RFPL1: variants seen among roughly 807,000 people sequenced by gnomAD.
The protein encoded by RFPL1 is ret finger protein like 1.
A neutral mutation model predicts 9.6 loss-of-function variants in RFPL1; 6 were observed. The observed-to-expected ratio is 0.62, with a 90% CI of 0.34 to 1.23. The LOEUF is 1.23. RFPL1 is among the 50% of genes most tolerant of loss of function. The pLI is 0.03. For missense variants in RFPL1, 352 were observed against 398.4 expected (o/e 0.88, Z 0.99); for synonymous variants, 145 against 149.4 (o/e 0.97, Z 0.22).
the RFPL1 span, among the ~76,000 whole-genome samples, chr22:29,397,976 G>A: frequency 6.6e-6 from 1 of 152,174 alleles, no homozygotes; most frequent in Non-Finnish European, 1.5e-5. Context: ...GGGGGGGTTG[G>A]CATCTGGCTT....
chr22:29,405,630 C>T, the RFPL1 span, among the ~76,000 whole-genome samples: 3 of 152,172 alleles, frequency 2.0e-5, no homozygotes, highest in African/African-American at 7.2e-5. Context: ...ATCTAGAGGA[C>T]TCAGATGTTC....
chr22:29,410,437 T>G, the RFPL1 span, among the ~76,000 whole-genome samples: 1 of 96,864 alleles, frequency 1.0e-5, no homozygotes, highest in Non-Finnish European at 2.0e-5. Flanking sequence ...ATTGTAGATA[T>G]ATATATCTAT....
the RFPL1 span, among the ~76,000 whole-genome samples, chr22:29,414,830 T>A: frequency 9.2e-5 from 14 of 151,870 alleles, no homozygotes; most frequent in East Asian, 3.9e-4. Context: ...TTTTTTTTTT[T>A]AATTAGGATA....
At chr22:29,437,946 G>A (rs1432341705), upstream of RFPL1, 2 of 437,158 alleles carry the variant, frequency 4.6e-6, no homozygotes, top group African/African-American at 4.5e-5. Flanking sequence ...GGCTGGAGAA[G>A]GATGTGATTT....
chr22:29,441,708 C>G, exon 2 of RFPL1: 1 of 1,613,946 alleles, frequency 6.2e-7, no homozygotes, highest in Admixed American at 1.7e-5. Context: ...GTGGCCGCCA[C>G]TACTGGGAGG....
At chr22:29,394,108 C>T in the RFPL1 span, among the ~76,000 whole-genome samples, 4 of 152,304 alleles carry the variant, frequency 2.6e-5, no homozygotes, top group South Asian at 8.3e-4. Flanking sequence ...TGTGCCCAGC[C>T]AGGACATTTT....
the RFPL1 span, among the ~76,000 whole-genome samples, chr22:29,429,949 T>A: frequency 6.6e-6 from 1 of 151,916 alleles, no homozygotes; most frequent in African/African-American, 2.4e-5. Context: ...TTGGTGAATC[T>A]CTCCGGTCTC....
At chr22:29,427,947 A>G in the RFPL1 span, among the ~76,000 whole-genome samples, 1 of 152,138 alleles carries the variant, frequency 6.6e-6, no homozygotes, top group Non-Finnish European at 1.5e-5. Flanking sequence ...CACCCTTTCT[A>G]TATGGTATAT....
chr22:29,410,580 T>TATATATTGTAG, the RFPL1 span, among the ~76,000 whole-genome samples: 3 of 133,834 alleles, frequency 2.2e-5, no homozygotes, highest in African/African-American at 8.2e-5. Flanking sequence ...ATTGTAGATA[T>TATATATTGTAG]ATCTATCTAT....
chr22:29,421,584 A>T, the RFPL1 span, among the ~76,000 whole-genome samples: 1 of 149,786 alleles, frequency 6.7e-6, no homozygotes, highest in Admixed American at 6.7e-5. Context: ...CTAGACTCGA[A>T]CTCCTGGGCT....
At chr22:29,424,141 C>T in the RFPL1 span, among the ~76,000 whole-genome samples, 1 of 151,992 alleles carries the variant, frequency 6.6e-6, no homozygotes, top group East Asian at 1.9e-4. Context: ...GATAGCACCA[C>T]TGCACTTCAG....
chr22:29,425,380 A>C, the RFPL1 span, among the ~76,000 whole-genome samples: 1 of 152,132 alleles, frequency 6.6e-6, no homozygotes, highest in East Asian at 1.9e-4. Flanking sequence ...AGAGAGAAGC[A>C]CTCAGTTCCA....
chr22:29,409,078 A>T, the RFPL1 span, among the ~76,000 whole-genome samples: 2 of 151,224 alleles, frequency 1.3e-5, no homozygotes, highest in Admixed American at 6.6e-5. Flanking sequence ...TTTTTTTTTT[A>T]AACAGCTTTA....
At chr22:29,387,948 A>T in the RFPL1 span, among the ~76,000 whole-genome samples, 1 of 152,332 alleles carries the variant, frequency 6.6e-6, no homozygotes, top group East Asian at 1.9e-4. Context: ...AACTTGTCTT[A>T]GAGGCTCCAA....
rs79401928 is a variant in RFPL1, at chr22:29,441,580, C to G, written c.412C>G (p.Leu138Val). 30 of 599,560 alleles carry G rather than the reference C, an allele frequency of 5.0e-5. No individual in the cohort carries two copies. In the African/African-American group the frequency reaches 5.0e-4, roughly 10 times the overall value. 37.1% of individuals were successfully genotyped at this position (599,560 alleles called of 1,614,324 possible). A position where few individuals can be genotyped will look rare whatever the true frequency, so the allele number is the denominator to read the frequency against. The change falls in exon 2 of 2, where the codon CTC becomes GTC. Residue 138 changes from leucine to valine, a missense_variant. By Grantham distance (32) the Leu-to-Val change is conservative. Coordinates refer to ENST00000354373, the Ensembl canonical transcript of RFPL1. ...GGATGCCGACACAGCCAACAACTTCCTCCTCATTTCTGACGACCTCAGGAG... is the reference window on the plus strand; with the variant it reads ...GGATGCCGACACAGCCAACAACTTCGTCCTCATTTCTGACGACCTCAGGAG...
chr22:29,409,913 T>G, the RFPL1 span, among the ~76,000 whole-genome samples: 1 of 152,184 alleles, frequency 6.6e-6, no homozygotes, highest in Non-Finnish European at 1.5e-5. Context: ...TTACAAATTA[T>G]CTGGTAGTGA....
At chr22:29,403,253 C>T in the RFPL1 span, among the ~76,000 whole-genome samples, 2 of 137,004 alleles carry the variant, frequency 1.5e-5, no homozygotes, top group Non-Finnish European at 3.0e-5. Flanking sequence ...AGAGGAATTT[C>T]TTCTTTGGAA....
At chr22:29,408,030 T>C in the RFPL1 span, among the ~76,000 whole-genome samples, 2 of 152,264 alleles carry the variant, frequency 1.3e-5, no homozygotes, top group African/African-American at 2.4e-5. Context: ...ACTCATTGAA[T>C]GTAATCTCAT....
the RFPL1 span, among the ~76,000 whole-genome samples, chr22:29,421,333 C>T: frequency 1.3e-5 from 2 of 152,076 alleles, no homozygotes. Flanking sequence ...GCCTGTAGTC[C>T]CAGCTACTTG....
Sources: allele counts gnomAD v4.1 joint callset (sites outside exome capture counted in the v4.1 genomes callset), GRCh38; gene constraint gnomAD v4.1.1; transcripts MANE v1.5; gene names NCBI Gene and HGNC (gene_info 2026-07-23, HGNC 2026-07-21).